The following CTNNA2 variants were observed in gnomAD, a reference collection of about 807,000 sequenced individuals.
The protein encoded by CTNNA2 is catenin alpha-2.
In CTNNA2, 42 loss-of-function variants were observed where a neutral mutation model predicts 101.0. The observed-to-expected ratio is 0.42, with a 90% CI of 0.32 to 0.54. The LOEUF (loss-of-function observed/expected upper bound fraction) is 0.54, where lower values mean the gene tolerates loss of function less well. Among genes scored for constraint, CTNNA2 ranks in the 20% least tolerant of loss-of-function variants. CTNNA2 has a pLI of 0.14. For missense variants in CTNNA2, 871 were observed against 1,223.1 expected (o/e 0.71, Z 4.29); for synonymous variants, 450 against 456.4 (o/e 0.99, Z 0.18).
intron 2 of CTNNA2, among the ~76,000 whole-genome samples, chr2:79,686,423 C>A (rs924843607): frequency 6.6e-6 from 1 of 152,152 alleles, no homozygotes; most frequent in African/African-American, 2.4e-5. Context: ...GCTTACAATA[C>A]ACCTTAATGT....
At chr2:79,997,333 G>GAAGGAAGGAAAAGAA (rs200030660) in intron 7 of CTNNA2, among the ~76,000 whole-genome samples, 1 of 150,868 alleles carries the variant, frequency 6.6e-6, no homozygotes, top group Non-Finnish European at 1.5e-5. Context: ...GGGAGGGAGG[G>GAAGGAAGGAAAAGAA]AAGGAAGGAA....
intron 7 of CTNNA2, among the ~76,000 whole-genome samples, chr2:80,155,335 G>A (rs534256858): frequency 1.8e-4 from 27 of 152,276 alleles, no homozygotes; most frequent in Admixed American, 1.1e-3. Context: ...AATGTAAGTC[G>A]CTTTTGCTTA....
chr2:79,327,420 C>T (rs1676771601), intron 3 of CTNNA2, among the ~76,000 whole-genome samples: 1 of 152,162 alleles, frequency 6.6e-6, no homozygotes, highest in African/African-American at 2.4e-5. Flanking sequence ...TTCATATTTG[C>T]TCAGGAATAC....
chr2:79,484,557 T>A (rs1671140266), intron 4 of CTNNA2, among the ~76,000 whole-genome samples: 1 of 152,206 alleles, frequency 6.6e-6, no homozygotes, highest in South Asian at 2.1e-4. Flanking sequence ...GGTTGGTCTT[T>A]CTCTAAGGGT....
intron 4 of CTNNA2, among the ~76,000 whole-genome samples, chr2:79,398,850 A>AGT: frequency 1.2e-4 from 1 of 8,398 alleles, no homozygotes; most frequent in East Asian, 0.05. Flanking sequence ...GTGTTTAGTT[A>AGT]AAAAAAAAAA....
chr2:79,200,239 C>T (rs1007986664), intron 2 of CTNNA2, among the ~76,000 whole-genome samples: 10 of 152,174 alleles, frequency 6.6e-5, no homozygotes, highest in African/African-American at 2.4e-4. Flanking sequence ...CAAAAGTCAG[C>T]AGGGCTTGGT....
chr2:79,722,515 A>G (rs1018016832), intron 2 of CTNNA2, among the ~76,000 whole-genome samples: 2 of 152,202 alleles, frequency 1.3e-5, no homozygotes, highest in African/African-American at 4.8e-5. Context: ...CAGATCTCAC[A>G]GGATCTCTGA....
intron 1 of CTNNA2, among the ~76,000 whole-genome samples, chr2:79,543,837 A>C (rs1673564959): frequency 6.6e-6 from 1 of 152,220 alleles, no homozygotes; most frequent in African/African-American, 2.4e-5. Context: ...AGAATAAAAA[A>C]AGACTTTGTG....
intron 2 of CTNNA2, among the ~76,000 whole-genome samples, chr2:79,270,856 T>C (rs184883019): frequency 3.3e-5 from 5 of 152,136 alleles, no homozygotes; most frequent in African/African-American, 1.2e-4. Context: ...CCTTTCCCTC[T>C]TTGTCTCCTG....
chr2:80,033,877 T>C (rs1415598095), intron 7 of CTNNA2, among the ~76,000 whole-genome samples: 1 of 151,530 alleles, frequency 6.6e-6, no homozygotes, highest in Non-Finnish European at 1.5e-5. Context: ...CAGTAAAAAT[T>C]GTAGCAGTCT....
intron 18 of CTNNA2, among the ~76,000 whole-genome samples, chr2:80,638,995 A>G (rs935325538): frequency 1.4e-4 from 21 of 152,160 alleles, no homozygotes; most frequent in Admixed American, 1.4e-3. Context: ...GGCCTTCAGC[A>G]CTGGCTGGTT....
chr2:80,244,459 CA>C (rs1451667243), intron 7 of CTNNA2, among the ~76,000 whole-genome samples: 4 of 152,196 alleles, frequency 2.6e-5, no homozygotes, highest in Admixed American at 2.6e-4. Context: ...TGGTTCTAGT[CA>C]AGCGTTTTGT....
At chr2:79,984,451 C>T (rs978720678) in intron 7 of CTNNA2, among the ~76,000 whole-genome samples, 1 of 152,130 alleles carries the variant, frequency 6.6e-6, no homozygotes, top group Non-Finnish European at 1.5e-5. Context: ...TACCTTAAAC[C>T]CTGATTTTCC....
intron 3 of CTNNA2, among the ~76,000 whole-genome samples, chr2:79,846,713 A>G (rs1680256875): frequency 6.6e-6 from 1 of 152,220 alleles, no homozygotes. Flanking sequence ...TTAGTTGATT[A>G]TTTGAGCTTG....
In CTNNA2 at chr2:80,062,676, T is replaced by A. The variant is rs371198725; in HGVS notation, c.1056+152879T>A. Reference sequence around the variant, plus strand: ...ACTGGCCCTTGCTTTCACCATTTCCTCTTCTATGAAGCACTGCACTGTGAT... The same window carrying A: ...ACTGGCCCTTGCTTTCACCATTTCCACTTCTATGAAGCACTGCACTGTGAT... On this transcript the variant is annotated intron_variant, in intron 7 of 18. Transcript: ENST00000402739. Among the ~76,000 whole-genome samples, 8 of 151,710 alleles carry A rather than the reference T, an allele frequency of 5.3e-5. No homozygotes were observed. The South Asian group carries it at 1.7e-3, about 32-fold the overall frequency.
At chr2:80,136,043 A>G (rs1415783769) in intron 7 of CTNNA2, among the ~76,000 whole-genome samples, 1 of 152,132 alleles carries the variant, frequency 6.6e-6, no homozygotes, top group Non-Finnish European at 1.5e-5. Flanking sequence ...TAAGTAGGTA[A>G]ACTTAATCTC....
intron 12 of CTNNA2, among the ~76,000 whole-genome samples, chr2:80,567,480 G>A (rs900186533): frequency 6.6e-6 from 1 of 152,112 alleles, no homozygotes; most frequent in Non-Finnish European, 1.5e-5. Flanking sequence ...TCCCCTTTGG[G>A]CAACTTTAGG....
At chr2:80,589,272 CG>C (rs773612395) in intron 14 of CTNNA2, 31 bp from the exon 15 acceptor site, 4 of 1,608,264 alleles carry the variant, frequency 2.5e-6, no homozygotes, top group Non-Finnish European at 3.4e-6. Context: ...CCTTTGTCAC[CG>C]TCACTCACGC....
chr2:79,637,757 C>T (rs939603033), intron 1 of CTNNA2, among the ~76,000 whole-genome samples: 2 of 152,248 alleles, frequency 1.3e-5, no homozygotes, highest in Admixed American at 6.5e-5. Flanking sequence ...ACTTACCACC[C>T]GTGAAATAAC....
Sources: gnomAD v4.1 joint callset for allele counts (sites outside exome capture counted in the v4.1 genomes callset) on GRCh38, gnomAD v4.1.1 for gene constraint, MANE v1.5 for transcripts, NCBI Gene and HGNC (gene_info 2026-07-23, HGNC 2026-07-21) for gene names.